Variants in AP5B1 observed in about 807,000 individuals in gnomAD.
The protein encoded by AP5B1 is AP-5 complex subunit beta-1.
A neutral mutation model predicts 5.7 loss-of-function variants in AP5B1; 3 were observed. That is an observed-to-expected ratio of 0.53 (90% CI 0.24 to 1.36). The LOEUF (loss-of-function observed/expected upper bound fraction) is 1.36, where lower values mean the gene tolerates loss of function less well. AP5B1 is among the 40% of genes most tolerant of loss of function. The probability of loss-of-function intolerance (pLI) is 0.17; values close to 1 mark genes in which losing one functional copy is unlikely to be tolerated. For missense variants in AP5B1, 1,310 were observed against 1,143.2 expected (o/e 1.15, Z -2.10); for synonymous variants, 696 against 555.5 (o/e 1.25, Z -3.56).
rs1857749310 is a variant in AP5B1, at chr11:65,775,123, T to A, written c.*2733A>T. 6.6e-6 allele frequency among the ~76,000 whole-genome samples: 1 copy of A among 152,166 alleles called. No individual in the cohort carries two copies. The highest frequency in any genetic ancestry group is 2.4e-5 in the African/African-American group (1 of 41,442). ...CCCTATGATTCAGCAATTCTGCTCCTAGCATGTATCCCAGAGAATTGTCCC... is the reference window on the plus strand; with the variant it reads ...CCCTATGATTCAGCAATTCTGCTCCAAGCATGTATCCCAGAGAATTGTCCC... On this transcript the variant is annotated 3_prime_UTR_variant, in exon 2 of 2. Coordinates refer to ENST00000532090, the MANE Select transcript of AP5B1 (RefSeq NM_138368.5).
At position 65,777,678 on chromosome 11, in the gene AP5B1, G is replaced by T; in HGVS notation, c.*178C>A. 1 of 683,016 alleles carries T rather than the reference G, an allele frequency of 1.5e-6. No individual in the cohort carries two copies. The highest frequency in any genetic ancestry group is 2.4e-6 in the Non-Finnish European group (1 of 421,474). The allele number at this position is 683,016 out of a possible 1,614,324, so 42.3% of individuals were successfully genotyped here. ...ACCCCGTCTCAGGGATCTTGCTAGA[G>T]CAGCAAAAACAGACTCAGACAGACC... On this transcript the variant is annotated 3_prime_UTR_variant, in exon 2 of 2. Coordinates refer to ENST00000532090, the MANE Select transcript of AP5B1 (RefSeq NM_138368.5).
In AP5B1 at chr11:65,777,594, A is replaced by T. The variant is rs1565224542; in HGVS notation, c.*262T>A. ...GTCCTCACTGGGCTCTGGGCCCTCC[A>T]CTATGGACTTCCCAGCCTCCAGAGC... On this transcript the variant is annotated 3_prime_UTR_variant, in exon 2 of 2. Coordinates refer to ENST00000532090, the MANE Select transcript of AP5B1 (RefSeq NM_138368.5). 4.2e-6 allele frequency: 2 copies of T among 481,312 alleles called. No homozygotes were observed. Among genetic ancestry groups the T allele is most frequent in the Non-Finnish European group, 3.7e-6 (1 of 272,992 alleles). The allele number at this position is 481,312 out of a possible 1,614,324, so 29.8% of individuals were successfully genotyped here.
In AP5B1 at chr11:65,775,748, G is replaced by A. The variant is rs1857757310; in HGVS notation, c.*2108C>T. 1 of 152,160 alleles carries A rather than the reference G, an allele frequency of 6.6e-6. No homozygotes were observed. Among genetic ancestry groups the A allele is most frequent in the Non-Finnish European group, 1.5e-5 (1 of 68,038 alleles). The allele number at this position is 152,160 out of a possible 1,614,324, so 9.4% of individuals were successfully genotyped here. ...AATCCCCTTCTGCCAAAAACAGCTG[G>A]AGAAGTTTCTGTTTCCTGAAACTGA... On this transcript the variant is annotated 3_prime_UTR_variant, in exon 2 of 2. Transcript: ENST00000532090.
In AP5B1 at chr11:65,780,342, C is replaced by T. The variant is rs1857835166; in HGVS notation, c.151G>A (p.Val51Ile). Residue 51 changes from valine (V) to isoleucine (I), a missense_variant and splice_region_variant, in exon 2 of 2, where the codon GTT becomes ATT. Val to Ile is a conservative substitution (Grantham distance 29). Coordinates refer to ENST00000532090, the MANE Select transcript of AP5B1 (RefSeq NM_138368.5). ...RSEKLSEQTK[V>I]SLLALSMEYP... ...TCCATGCTCAGGGCCAGCAGGGAAA[C>T]CTGGATGGGGGATTAGGAGGGAATC... The T allele has an allele frequency of 6.1e-6, 9 of 1,467,722 alleles. No individual in the cohort carries two copies. The highest frequency in any genetic ancestry group is 4.2e-5 in the South Asian group (3 of 71,832). The allele number at this position is 1,467,722 out of a possible 1,614,324, so 90.9% of individuals were successfully genotyped here. A position where few individuals can be genotyped will look rare whatever the true frequency, so the allele number is the denominator to read the frequency against.
rs1487553196 is a variant in AP5B1, at chr11:65,778,730, A to C, written c.1763T>G (p.Val588Gly). The C allele has an allele frequency of 4.4e-6, 7 of 1,599,368 alleles. No individual in the cohort carries two copies. The highest frequency in any genetic ancestry group is 1.3e-5 in the African/African-American group (1 of 74,676). ...CAGCAAGTCGACCAGGCCGCCCCTCACCCCTGCCCGCAGCAGCGCCCGGCA... is the reference window on the plus strand; with the variant it reads ...CAGCAAGTCGACCAGGCCGCCCCTCCCCCCTGCCCGCAGCAGCGCCCGGCA... ...RVCRALLRAG[V>G]RGGLVDLLQV... The change falls in exon 2 of 2, where the codon GTG becomes GGG. Residue 588 changes from valine to glycine, a missense_variant. By Grantham distance (109) the Val-to-Gly change is moderately radical. Transcript: ENST00000532090.
Position 65,777,999 on chromosome 11 carries a change from T to C in AP5B1, c.2494A>G (p.Ile832Val), listed in dbSNP as rs1565224713. 1 of 1,611,896 alleles carries C rather than the reference T, an allele frequency of 6.2e-7. No homozygotes were observed. The highest frequency in any genetic ancestry group is 2.2e-5 in the East Asian group (1 of 44,836). ...AGCTTTGAGTCCGGGGGCAGGTGGATTGCTACACAGTAGCTGGTAGGAGGC... is the reference window on the plus strand; with the variant it reads ...AGCTTTGAGTCCGGGGGCAGGTGGACTGCTACACAGTAGCTGGTAGGAGGC... Reference protein sequence around the residue: ...AQPPTSYCVAIHLPPDSKLLL... With the variant: ...AQPPTSYCVAVHLPPDSKLLL... The change falls in exon 2 of 2, where the codon ATC becomes GTC. Residue 832 changes from isoleucine (I) to valine (V), a missense_variant. Transcript: ENST00000532090.
chr11:65,779,129 T>A lies in AP5B1; in HGVS notation c.1364A>T (p.Asp455Val). ...AGTGGCCAAGGCCCGGGGGCCCCCA[T>A]CCAGGGCTGCCCGCTGCCGCAAGCC... ...LAGLRQRAALDGGPRALATLC... is the reference protein window; with the variant it reads ...LAGLRQRAALVGGPRALATLC... The change falls in exon 2 of 2, where the codon GAT becomes GTT. Residue 455 changes from aspartate to valine, a missense_variant. Physicochemically the swap from Asp to Val is radical, Grantham distance 152. Coordinates refer to ENST00000532090, the MANE Select transcript of AP5B1 (RefSeq NM_138368.5). The A allele has an allele frequency of 6.2e-7, 1 of 1,609,158 alleles. No individual in the cohort carries two copies.
chr11:65,778,722 C>G lies in AP5B1; in HGVS notation c.1771G>C (p.Gly591Arg). The change falls in exon 2 of 2, where the codon GGC becomes CGC. Residue 591 changes from glycine to arginine, a missense_variant. Coordinates refer to ENST00000532090, the MANE Select transcript of AP5B1 (RefSeq NM_138368.5). ...RALLRAGVRG[G>R]LVDLLQVLAR... ...AGCACCTGCAGCAAGTCGACCAGGC[C>G]GCCCCTCACCCCTGCCCGCAGCAGC... 1.3e-6 allele frequency: 2 copies of G among 1,592,170 alleles called. No individual in the cohort carries two copies. The highest frequency in any genetic ancestry group is 1.3e-5 in the African/African-American group (1 of 74,722).
chr11:65,779,047 C>T lies in AP5B1; in HGVS notation c.1446G>A (p.Val482=). Residue 482 remains valine, a synonymous_variant, in exon 2 of 2, where the codon GTG becomes GTA. Transcript: ENST00000532090. ...CCAGTCCGTGGATCAAGGGGGTCAGCACCGTAGGTTGCCCAGCCAGGCAGC... is the reference window on the plus strand; with the variant it reads ...CCAGTCCGTGGATCAAGGGGGTCAGTACCGTAGGTTGCCCAGCCAGGCAGC... ...VACCLAGQPT[V]LTPLIHGLAQ... 6.2e-7 allele frequency: 1 copy of T among 1,606,914 alleles called. No homozygotes were observed. Among genetic ancestry groups the T allele is most frequent in the Non-Finnish European group, 8.5e-7 (1 of 1,176,854 alleles).
Position 65,779,151 on chromosome 11 carries a change from AG to A in AP5B1, c.1341del (p.Leu448CysfsTer36), listed in dbSNP as rs780359860. On this transcript the variant is annotated frameshift_variant, in exon 2 of 2. Transcript: ENST00000532090. LOFTEE classifies it low-confidence loss of function (END_TRUNC). ...CCATCCAGGGCTGCCCGCTGCCGCA[AG>A]CCAGCCAGCAGCTCTTCCAGGTAGT... ...PRHYLEELLA[G>X]LRQRAALDGG... 1.9e-6 allele frequency: 3 copies of A among 1,611,222 alleles called. No homozygotes were observed. The highest frequency in any genetic ancestry group is 2.5e-6 in the Non-Finnish European group (3 of 1,179,218).
rs74835844 is a variant in AP5B1, at chr11:65,775,477, T to G, written c.*2379A>C. Among the ~76,000 whole-genome samples, 2,102 of 152,310 alleles carry G rather than the reference T, an allele frequency of 0.014. 38 individuals are homozygous for G. Among genetic ancestry groups the G allele is most frequent in the African/African-American group, 0.048 (2,002 of 41,564 alleles). On this transcript the variant is annotated 3_prime_UTR_variant, in exon 2 of 2. Coordinates refer to ENST00000532090, the MANE Select transcript of AP5B1 (RefSeq NM_138368.5). ...ATGGAGGACACAGGGCCAAGGAAGT[T>G]TGCTCTGCGGGCCCAGCCTTGGAGA...
Position 65,779,596 on chromosome 11 carries a change from A to AC in AP5B1, c.896dup (p.Leu300SerfsTer37), listed in dbSNP as rs1565225734. On this transcript the variant is annotated frameshift_variant, in exon 2 of 2. Coordinates refer to ENST00000532090, the MANE Select transcript of AP5B1 (RefSeq NM_138368.5). LOFTEE classifies it low-confidence loss of function (END_TRUNC). The stretch of plus-strand genomic sequence containing the variant: ...AGAGTGCCGGTGGCTGTCCCTGCAG[A>AC]CCCCGCAGGGCCCAGCCCAGCAGCC... 6.2e-7 allele frequency: 1 copy of AC among 1,605,706 alleles called. No homozygotes were observed. The highest frequency in any genetic ancestry group is 1.7e-5 in the Admixed American group (1 of 59,554).
rs561571982 is a variant in AP5B1, at chr11:65,780,416, G to A, written c.150+26C>T. 3.2e-5 allele frequency: 47 copies of A among 1,476,192 alleles called. No homozygotes were observed. The South Asian group carries it at 5.2e-4, about 16-fold the overall frequency. The allele number at this position is 1,476,192 out of a possible 1,614,324, so 91.4% of individuals were successfully genotyped here. On this transcript the variant is annotated intron_variant, in intron 1 of 1. Transcript: ENST00000532090. ...GCGGGCTGGGGTGACCCTGCGGAAC[G>A]GCGCAGGGGACGCGTGGGGGCCTAC...
rs1857780653 is a variant in AP5B1 at position 65,777,635 on chromosome 11, T to C, written c.*221A>G. 1 of 573,202 alleles carries C rather than the reference T, an allele frequency of 1.7e-6. No homozygotes were observed. Among genetic ancestry groups the C allele is most frequent in the Non-Finnish European group, 3.0e-6 (1 of 336,016 alleles). 35.5% of individuals were successfully genotyped at this position (573,202 alleles called of 1,614,324 possible). A position where few individuals can be genotyped will look rare whatever the true frequency, so the allele number is the denominator to read the frequency against. On this transcript the variant is annotated 3_prime_UTR_variant, in exon 2 of 2. Coordinates refer to ENST00000532090, the MANE Select transcript of AP5B1 (RefSeq NM_138368.5). ...CCTCCAGAGCTCTGAGCCAATACAT[T>C]TCTGTTTATTATAACTTACCCCGTC... is the stretch of plus-strand genomic sequence containing the variant.
Position 65,779,837 on chromosome 11 carries a change from C to G in AP5B1, c.656G>C (p.Gly219Ala). 6.3e-7 allele frequency: 1 copy of G among 1,591,768 alleles called. No individual in the cohort carries two copies. ...TAGTGTCCAATCCCAGGGACCACCC[C>G]CAGTTGGGGAGACCTTATCCGTGAG... ...GLLTDKVSPT[G>A]GGPWDWTLVE... is the part of the protein sequence containing the mutation. The change falls in exon 2 of 2, where the codon GGG (glycine) becomes GCG (alanine). Residue 219 changes from glycine to alanine, a missense_variant. By Grantham distance (60) the Gly-to-Ala change is moderately conservative (BLOSUM62 0). Coordinates refer to ENST00000532090, the MANE Select transcript of AP5B1 (RefSeq NM_138368.5).
Position 65,779,792 on chromosome 11 carries a change from C to T in AP5B1, c.701G>A (p.Arg234His). 7 of 1,582,958 alleles carry T rather than the reference C, an allele frequency of 4.4e-6. No homozygotes were observed. Among genetic ancestry groups the T allele is most frequent in the Non-Finnish European group, 5.2e-6 (6 of 1,165,046 alleles). ...CCAGCTGGGTGCCTGGGGCTGAAGG[C>T]GTCCATCGCCCTCCTCCACTAGTGT... Reference protein sequence around the residue: ...DWTLVEEGDGRLQPQAPSWPA... With the variant: ...DWTLVEEGDGHLQPQAPSWPA... Residue 234 changes from arginine (R) to histidine (H), a missense_variant, in exon 2 of 2, where the codon CGC becomes CAC. Arg to His is a conservative substitution (Grantham distance 29, BLOSUM62 0). Transcript: ENST00000532090.
In AP5B1 at chr11:65,779,180, C is replaced by T. The variant is rs760963217; in HGVS notation, c.1313G>A (p.Arg438Gln). 3.7e-6 allele frequency: 6 copies of T among 1,610,592 alleles called. No individual in the cohort carries two copies. Among genetic ancestry groups the T allele is most frequent in the East Asian group, 2.2e-5 (1 of 44,860 alleles). The change falls in exon 2 of 2, where the codon CGG (arginine) becomes CAG (glutamine). Residue 438 changes from arginine (R) to glutamine (Q), a missense_variant. By Grantham distance (43) the Arg-to-Gln change is conservative. Transcript: ENST00000532090. ...AGCCAGCAGCTCTTCCAGGTAGTGC[C>T]GTGGGCTTGGAAGCTGGCCTTTCTC... Reference protein sequence around the residue: ...EEEKGQLPSPRHYLEELLAGL... With the variant: ...EEEKGQLPSPQHYLEELLAGL...
rs1029390090 is a variant in AP5B1 at position 65,779,112 on chromosome 11, A to T, written c.1381T>A (p.Leu461Met). The change falls in exon 2 of 2, where the codon TTG becomes ATG. Residue 461 changes from leucine to methionine, a missense_variant. Coordinates refer to ENST00000532090, the MANE Select transcript of AP5B1 (RefSeq NM_138368.5). ...GAGGCCTGGAAGCAGAGAGTGGCCA[A>T]GGCCCGGGGGCCCCCATCCAGGGCT... ...RAALDGGPRALATLCFQASYL... is the reference protein window; with the variant it reads ...RAALDGGPRAMATLCFQASYL... The T allele has an allele frequency of 2.5e-6, 4 of 1,608,760 alleles. No individual in the cohort carries two copies. Among genetic ancestry groups the T allele is most frequent in the Non-Finnish European group, 3.4e-6 (4 of 1,178,246 alleles).
In AP5B1 at chr11:65,779,872, C is replaced by T. The variant is rs375738465; in HGVS notation, c.621G>A (p.Leu207=). Residue 207 remains leucine, a synonymous_variant, in exon 2 of 2, where the codon CTG becomes CTA. Transcript: ENST00000532090. ...AGACCTTATCCGTGAGCAGTCCCCC[C>T]AGGCCAGCCCCAACCCGGGACTGGA... ...LVLQSRVGAG[L]GGLLTDKVSP... is the part of the protein sequence containing the mutation. 16 of 1,595,902 alleles carry T rather than the reference C, an allele frequency of 1.0e-5. No individual in the cohort carries two copies. The highest frequency in any genetic ancestry group is 1.4e-5 in the Non-Finnish European group (16 of 1,170,922).
Sources: gnomAD v4.1 joint callset for allele counts (sites outside exome capture counted in the v4.1 genomes callset) on GRCh38, gnomAD v4.1.1 for gene constraint, MANE v1.5 for transcripts, NCBI Gene and HGNC (gene_info 2026-07-23, HGNC 2026-07-21) for gene names.